The following LSAMP variants were observed in gnomAD, a reference collection of about 807,000 sequenced individuals.
LSAMP encodes the protein limbic system associated membrane protein.
In LSAMP, 7 loss-of-function variants were observed where a neutral mutation model predicts 38.6. That is an observed-to-expected ratio of 0.18 (90% CI 0.10 to 0.34). LSAMP has a LOEUF of 0.34. LSAMP is among the 10% of genes least tolerant of loss of function. The probability of loss-of-function intolerance (pLI) is 1.00; values close to 1 mark genes in which losing one functional copy is unlikely to be tolerated. For missense variants in LSAMP, 313 were observed against 420.0 expected, an observed-to-expected ratio of 0.75 and a Z score of 2.23; for synonymous variants, 154 against 166.8, an observed-to-expected ratio of 0.92 and a Z score of 0.59.
At chr3:115,974,902 C>T (rs1480571718) in intron 3 of LSAMP, among the ~76,000 whole-genome samples, 1 of 152,022 alleles carries the variant, frequency 6.6e-6, no homozygotes. Context: ...AACTCAGCTT[C>T]CAAGGTTTCT....
intron 1 of LSAMP, among the ~76,000 whole-genome samples, chr3:116,098,194 T>C (rs900073365): frequency 6.6e-6 from 1 of 152,040 alleles, no homozygotes; most frequent in Non-Finnish European, 1.5e-5. Flanking sequence ...TAGATCACGA[T>C]GGATGCGTAT....
In LSAMP at chr3:116,367,690, G is replaced by A. The variant is rs1475102984; in HGVS notation, c.155+77187C>T. ...ACCCAACTAGTTTTTTGTATTTTTA[G>A]TAGGCCCGGGGTTTCACCATATTGG... On this transcript the variant is annotated intron_variant, in intron 1 of 6. Transcript: ENST00000490035. 4.0e-5 allele frequency among the ~76,000 whole-genome samples: 6 copies of A among 151,418 alleles called. No individual in the cohort carries two copies. In the South Asian group the frequency reaches 1.0e-3, roughly 26 times the overall value.
At chr3:116,074,984 G>A (rs943860105) in intron 2 of LSAMP, among the ~76,000 whole-genome samples, 1 of 150,712 alleles carries the variant, frequency 6.6e-6, no homozygotes, top group African/African-American at 2.4e-5. Flanking sequence ...TTACAGACAT[G>A]TGCCACCACC....
chr3:116,213,948 T>C lies in LSAMP; in HGVS notation c.156-127392A>G, dbSNP rs113340900. 4.3e-3 allele frequency among the ~76,000 whole-genome samples: 662 copies of C among 152,336 alleles called. 7 individuals carry two copies. The highest frequency in any genetic ancestry group is 0.015 in the African/African-American group (624 of 41,586). ...CTAACCAATGGGCATAAAGTTTCAG[T>C]TGAGCAAGATGAACCAGCTCTAGAC... On this transcript the variant is annotated intron_variant, in intron 1 of 6. Transcript: ENST00000490035.
chr3:116,300,832 C>T (rs1413682776), intron 1 of LSAMP, among the ~76,000 whole-genome samples: 1 of 152,136 alleles, frequency 6.6e-6, no homozygotes, highest in Non-Finnish European at 1.5e-5. Context: ...CTCTTCATCT[C>T]ATCACATAAG....
At chr3:116,074,822 G>C (rs1267373453) in intron 2 of LSAMP, among the ~76,000 whole-genome samples, 1 of 145,162 alleles carries the variant, frequency 6.9e-6, no homozygotes, top group African/African-American at 2.7e-5. Context: ...CTTTGACAAA[G>C]TTTAGTCATA....
intron 1 of LSAMP, among the ~76,000 whole-genome samples, chr3:116,234,278 G>T (rs1174081144): frequency 1.3e-5 from 2 of 152,046 alleles, no homozygotes; most frequent in Non-Finnish European, 2.9e-5. Context: ...ACTTCTCTTG[G>T]GATATGAATG....
At chr3:116,180,378 T>C (rs1411753138) in intron 1 of LSAMP, among the ~76,000 whole-genome samples, 3 of 4,416 alleles carry the variant, frequency 6.8e-4, no homozygotes, top group African/African-American at 1.2e-3. Context: ...ATCCCAGATT[T>C]TTTTTTTTTT....
rs1264161377 is a variant in LSAMP at position 116,168,733 on chromosome 3, A to G, written c.156-82177T>C. Among the ~76,000 whole-genome samples, 3 of 152,184 alleles carry G rather than the reference A, an allele frequency of 2.0e-5. No homozygotes were observed. In the East Asian group the frequency reaches 5.8e-4, roughly 29 times the overall value. On this transcript the variant is annotated intron_variant, in intron 1 of 6. Transcript: ENST00000490035. ...CACTGATGCCAACAATTCCACCATTAGTGATTAATGCTTAGGATAAATCAA... is the reference window on the plus strand; with the variant it reads ...CACTGATGCCAACAATTCCACCATTGGTGATTAATGCTTAGGATAAATCAA...
intron 1 of LSAMP, among the ~76,000 whole-genome samples, chr3:116,437,769 A>G (rs1044068319): frequency 1.6e-4 from 25 of 152,182 alleles, no homozygotes; most frequent in African/African-American, 6.0e-4. Flanking sequence ...CATCAGATAA[A>G]ATGAAAACCA....
At chr3:116,119,197 T>G (rs1448583060) in intron 1 of LSAMP, among the ~76,000 whole-genome samples, 1 of 152,084 alleles carries the variant, frequency 6.6e-6, no homozygotes, top group Non-Finnish European at 1.5e-5. Flanking sequence ...AGGACTCAGG[T>G]CAACCTAAAA....
chr3:116,203,161 C>T (rs1341008602), intron 1 of LSAMP, among the ~76,000 whole-genome samples: 2 of 152,090 alleles, frequency 1.3e-5, no homozygotes, highest in Non-Finnish European at 2.9e-5. Flanking sequence ...AAGCTTTCAG[C>T]AGCATGTTGT....
chr3:116,102,816 G>C (rs1391831016), intron 1 of LSAMP, among the ~76,000 whole-genome samples: 1 of 139,852 alleles, frequency 7.2e-6, no homozygotes, highest in Non-Finnish European at 1.5e-5. Flanking sequence ...TCTTCTATGG[G>C]TTTTGTTTCT....
chr3:116,202,893 G>C (rs753832216), intron 1 of LSAMP, among the ~76,000 whole-genome samples: 1 of 152,144 alleles, frequency 6.6e-6, no homozygotes, highest in Non-Finnish European at 1.5e-5. Context: ...CAATCATTAA[G>C]GGTAAGCACC....
At chr3:116,095,160 C>G (rs6773882) in intron 1 of LSAMP, among the ~76,000 whole-genome samples, 497 of 152,258 alleles carry the variant, frequency 3.3e-3, no homozygotes, top group African/African-American at 0.012. Context: ...TCTAAATGCT[C>G]AACTTTTATT....
intron 3 of LSAMP, among the ~76,000 whole-genome samples, chr3:115,923,491 G>C (rs1202739615): frequency 6.6e-6 from 1 of 152,176 alleles, no homozygotes. Context: ...CAGTGTTTCT[G>C]TGGAAGACAA....
chr3:116,104,249 T>C (rs1445455340), intron 1 of LSAMP, among the ~76,000 whole-genome samples: 1 of 152,118 alleles, frequency 6.6e-6, no homozygotes, highest in Non-Finnish European at 1.5e-5. Flanking sequence ...AAGAGGAACA[T>C]AAAGCAAGAT....
rs139642399 is a variant in LSAMP at position 116,353,091 on chromosome 3, T to C, written c.155+91786A>G. Among the ~76,000 whole-genome samples, 43 of 152,232 alleles carry C rather than the reference T, an allele frequency of 2.8e-4. 1 individual carries two copies. In the East Asian group the frequency reaches 8.3e-3, roughly 29 times the overall value. On this transcript the variant is annotated intron_variant, in intron 1 of 6. Transcript: ENST00000490035. ...AAGACATGTTCTGGGTGGAAGTGAT[T>C]AGCTAGGATCTGACCTCTGGATAAT...
rs114981550 is a variant in LSAMP, at chr3:115,833,148, A to G, written c.919+8697T>C. Among the ~76,000 whole-genome samples the G allele has an allele frequency of 7.9e-3, 1,203 of 152,264 alleles. 15 individuals carry two copies. The highest frequency in any genetic ancestry group is 0.027 in the African/African-American group (1,129 of 41,562). On this transcript the variant is annotated intron_variant, in intron 6 of 6. Transcript: ENST00000490035. The stretch of plus-strand genomic sequence containing the variant: ...ATGTGTGTGTTTTTCATATCAATAT[A>G]TTTGCAAGAGGGCAACATGATAAAG...
Sources: allele counts gnomAD v4.1 joint callset (sites outside exome capture counted in the v4.1 genomes callset), GRCh38; gene constraint gnomAD v4.1.1; transcripts MANE v1.5; gene names NCBI Gene and HGNC (gene_info 2026-07-23, HGNC 2026-07-21).